Variants in SLC60A1 observed in about 807,000 individuals in gnomAD.
SLC60A1 encodes major facilitator superfamily domain containing 4.
chr1:205,600,447 T>G, the SLC60A1 span: 2 of 1,614,116 alleles, frequency 1.2e-6, no homozygotes, highest in Non-Finnish European at 1.7e-6. Context: ...AAACTCTGAG[T>G]GCTACCAGAG....
chr1:205,575,811 C>T, the SLC60A1 span, among the ~76,000 whole-genome samples: 1 of 152,276 alleles, frequency 6.6e-6, no homozygotes, highest in African/African-American at 2.4e-5. Flanking sequence ...TCCAGACTGT[C>T]CAGGCTATAT....
At chr1:205,598,856 A>G in the SLC60A1 span, 16 of 468,546 alleles carry the variant, frequency 3.4e-5, no homozygotes, top group Non-Finnish European at 5.3e-5. Context: ...CAGTGATGAT[A>G]GAGATCGTCA....
At chr1:205,584,780 G>A in the SLC60A1 span, 1 of 1,072,956 alleles carries the variant, frequency 9.3e-7, no homozygotes, top group Non-Finnish European at 1.4e-6. Flanking sequence ...GCCCCATCCT[G>A]CAGGGCTCTT....
chr1:205,596,578 A>AAAAAAT, the SLC60A1 span, among the ~76,000 whole-genome samples: 1 of 137,846 alleles, frequency 7.3e-6, no homozygotes, highest in African/African-American at 2.7e-5. Context: ...AAAAAAAAAA[A>AAAAAAT]GATGAATGAT....
At chr1:205,600,618 C>G in the SLC60A1 span, 1 of 634,204 alleles carries the variant, frequency 1.6e-6, no homozygotes, top group Non-Finnish European at 2.8e-6. Context: ...TAAATTGAGT[C>G]CTGGTACCTG....
At chr1:205,598,038 A>G in the SLC60A1 span, 5 of 578,678 alleles carry the variant, frequency 8.6e-6, no homozygotes, top group East Asian at 6.0e-5. Context: ...CTGAGCCTCC[A>G]TATGTGGGAT....
At chr1:205,579,373 T>C in the SLC60A1 span, among the ~76,000 whole-genome samples, 1 of 152,216 alleles carries the variant, frequency 6.6e-6, no homozygotes, top group Non-Finnish European at 1.5e-5. Context: ...CCACCTGCGG[T>C]TGCATGCCTA....
At chr1:205,576,183 C>G in the SLC60A1 span, among the ~76,000 whole-genome samples, 1 of 152,172 alleles carries the variant, frequency 6.6e-6, no homozygotes, top group Non-Finnish European at 1.5e-5. Flanking sequence ...AAGGGCACTG[C>G]AGCAGGAATA....
chr1:205,589,325 G>T, the SLC60A1 span, among the ~76,000 whole-genome samples: 1 of 152,148 alleles, frequency 6.6e-6, no homozygotes, highest in Non-Finnish European at 1.5e-5. Flanking sequence ...GGCTAACTTG[G>T]GGGGAGCACG....
chr1:205,577,485 C>T, the SLC60A1 span, among the ~76,000 whole-genome samples: 2,882 of 152,286 alleles, frequency 0.019, 97 homozygotes, highest in African/African-American at 0.066. The surrounding 1 kb of genome is among the most constrained non-coding windows in gnomAD (Gnocchi z 5.2). Flanking sequence ...CAGTGATGCT[C>T]GCGAGCATGT....
At chr1:205,600,389 T>C in the SLC60A1 span, 63 of 1,613,520 alleles carry the variant, frequency 3.9e-5, no homozygotes, top group Non-Finnish European at 5.1e-5. Flanking sequence ...GCTACCTGTT[T>C]TGTTTTTCTT....
At chr1:205,592,090 G>A in the SLC60A1 span, 1 of 1,606,998 alleles carries the variant, frequency 6.2e-7, no homozygotes. Flanking sequence ...CCTCACCACC[G>A]ATGCTCAGCT....
the SLC60A1 span, chr1:205,601,552 A>G: frequency 6.6e-6 from 1 of 152,206 alleles, no homozygotes; most frequent in South Asian, 2.1e-4. Context: ...AGACTTTCTG[A>G]AAATACCTAA....
At chr1:205,580,063 A>C in the SLC60A1 span, 1 of 1,131,526 alleles carries the variant, frequency 8.8e-7, no homozygotes, top group Admixed American at 2.4e-5. This position sits in a 1 kb window ranked among gnomAD's most constrained non-coding sequence, Gnocchi z 5.0. Context: ...CAGCTGGGTT[A>C]GTAAGTTCTA....
chr1:205,602,567 C>A, the SLC60A1 span: 1 of 152,608 alleles, frequency 6.6e-6, no homozygotes, highest in Non-Finnish European at 1.5e-5. Flanking sequence ...TCCTCATAAG[C>A]GGCTTAGAAA....
chr1:205,600,336 C>G, the SLC60A1 span: 1 of 1,495,676 alleles, frequency 6.7e-7, no homozygotes, highest in East Asian at 2.3e-5. Context: ...GGTAAGCTCT[C>G]AGAATGAATC....
the SLC60A1 span, among the ~76,000 whole-genome samples, chr1:205,581,256 G>A: frequency 1.1e-4 from 16 of 152,302 alleles, no homozygotes; most frequent in African/African-American, 3.4e-4. This position sits in a 1 kb window ranked among gnomAD's most constrained non-coding sequence, Gnocchi z 4.2. Context: ...GACAGACCCC[G>A]GCAGGAAGTG....
chr1:205,595,492 C>T, the SLC60A1 span, among the ~76,000 whole-genome samples: 1 of 152,120 alleles, frequency 6.6e-6, no homozygotes, highest in Non-Finnish European at 1.5e-5. Flanking sequence ...CATGTTTGAC[C>T]CATCTCAAGA....
chr1:205,592,362 T>A, the SLC60A1 span: 1 of 1,317,546 alleles, frequency 7.6e-7, no homozygotes, highest in Non-Finnish European at 9.8e-7. Context: ...CCTGTCTCTC[T>A]GTGCTCTTTT....
Sources: allele counts gnomAD v4.1 joint callset (sites outside exome capture counted in the v4.1 genomes callset), GRCh38; gene constraint gnomAD v4.1.1; non-coding constraint Gnocchi (gnomAD v3.1); transcripts MANE v1.5; gene names NCBI Gene and HGNC (gene_info 2026-07-23, HGNC 2026-07-21).